The following MED13 variants were observed in gnomAD, a reference collection of about 807,000 sequenced individuals.
The protein encoded by MED13 is mediator complex subunit 13, also known as mediator of RNA polymerase II transcription subunit 13.
A neutral mutation model predicts 225.2 loss-of-function variants in MED13; 23 were observed. The ratio of observed to expected loss-of-function variants is 0.10; its 90% confidence interval spans 0.07 to 0.14. MED13 has a LOEUF of 0.14. Among genes scored for constraint, MED13 ranks in the 10% least tolerant of loss-of-function variants. The probability of loss-of-function intolerance (pLI) is 1.00; values close to 1 mark genes in which losing one functional copy is unlikely to be tolerated. For synonymous variants in MED13, 942 were observed against 889.2 expected, an observed-to-expected ratio of 1.06 and a Z score of -1.06; for missense variants, 2,197 against 2,594.5, an observed-to-expected ratio of 0.85 and a Z score of 3.33.
chr17:62,005,693 G>A (rs1051169789), intron 9 of MED13: 2 of 152,198 alleles, frequency 1.3e-5, no homozygotes, highest in African/African-American at 4.8e-5. Context: ...GGACTTATCT[G>A]CTAAAATGAC....
chr17:61,980,206 C>A (rs2080192191), intron 16 of MED13, among the ~76,000 whole-genome samples: 1 of 151,108 alleles, frequency 6.6e-6, no homozygotes, highest in African/African-American at 2.4e-5. Flanking sequence ...AACAAACAAA[C>A]AAAAATTCCC....
Position 62,010,684 on chromosome 17 carries a change from G to T in MED13, c.1833C>A (p.Ala611=). The T allele has an allele frequency of 6.4e-7, 1 of 1,550,956 alleles. No individual in the cohort carries two copies. Among genetic ancestry groups the T allele is most frequent in the East Asian group, 2.3e-5 (1 of 44,014 alleles). The change falls in exon 9 of 30, where the codon GCC becomes GCA. Residue 611 remains alanine (A), a synonymous_variant. Coordinates refer to ENST00000397786, the MANE Select transcript of MED13 (RefSeq NM_005121.3). Reference sequence around the variant, plus strand: ...ACTTGTAATACTTCCAGGCTATATTGGCTTCATCTTCTTCCAAGTTTACTG... The same window carrying T: ...ACTTGTAATACTTCCAGGCTATATTTGCTTCATCTTCTTCCAAGTTTACTG... ...GTAVNLEEDE[A]NIAWKYYKFP...
At chr17:62,005,341 C>T (rs2143561851) in intron 9 of MED13, 1 of 152,282 alleles carries the variant, frequency 6.6e-6, no homozygotes, top group Non-Finnish European at 1.5e-5. Flanking sequence ...CAGAGTGGCT[C>T]GTGTCTGTAA....
intron 9 of MED13, among the ~76,000 whole-genome samples, chr17:62,000,485 T>A (rs867595358): frequency 4.6e-5 from 7 of 152,326 alleles, no homozygotes; most frequent in Middle Eastern, 6.8e-3. Context: ...TAAAGTCATG[T>A]AGTACAAAAA....
intron 3 of MED13, among the ~76,000 whole-genome samples, chr17:62,040,524 T>C (rs2080844351): frequency 6.6e-6 from 1 of 152,218 alleles, no homozygotes; most frequent in African/African-American, 2.4e-5. Context: ...TCCATATGTA[T>C]GCTAGATTAG....
At chr17:61,976,172 A>C (rs2080154416) in intron 16 of MED13, among the ~76,000 whole-genome samples, 1 of 152,260 alleles carries the variant, frequency 6.6e-6, no homozygotes, top group Non-Finnish European at 1.5e-5. Context: ...AATATCCATC[A>C]ACTAATGAAT....
chr17:61,967,927 C>A, intron 18 of MED13, 108 bp downstream of exon 18: 1 of 809,500 alleles, frequency 1.2e-6, no homozygotes, highest in South Asian at 1.7e-5. Flanking sequence ...AACATCTAAT[C>A]TGACATCATC....
rs2079936326 is a variant in MED13, at chr17:61,955,627, A to G, written c.5782+53T>C. The G allele has an allele frequency of 2.6e-6, 4 of 1,559,108 alleles. No individual in the cohort carries two copies. In the South Asian group the frequency reaches 4.9e-5, roughly 19 times the overall value. ...GAAGAATAAATTGTATATAATACTT[A>G]AAAACTTAACTGCATAAAGAATTAA... On this transcript the variant is annotated intron_variant, in intron 25 of 29. Coordinates refer to ENST00000397786, the MANE Select transcript of MED13 (RefSeq NM_005121.3).
chr17:61,948,748 C>T (rs555586740), intron 28 of MED13, among the ~76,000 whole-genome samples: 1 of 151,026 alleles, frequency 6.6e-6, no homozygotes, highest in Admixed American at 6.6e-5. Context: ...ATTAGCATGA[C>T]TTGTGGATTA....
intron 6 of MED13, chr17:62,030,455 T>G (rs1471436551): frequency 6.5e-6 from 1 of 152,984 alleles, no homozygotes; most frequent in African/African-American, 2.4e-5. Flanking sequence ...GCCATGGAGC[T>G]GCTGCACAGA....
chr17:61,951,089 A>ATTATC lies in MED13; in HGVS notation c.6118-96_6118-92dup, dbSNP rs1277348953. 7 of 978,216 alleles carry ATTATC rather than the reference A, an allele frequency of 7.2e-6. No individual in the cohort carries two copies. The Admixed American group carries it at 1.6e-4, about 23-fold the overall frequency. The allele number at this position is 978,216 out of a possible 1,614,324, so 60.6% of individuals were successfully genotyped here. On this transcript the variant is annotated intron_variant, in intron 27 of 29. Transcript: ENST00000397786. ...AGAATGGCTCATAGCAATCAGTCTCATTATCTTATGACATCGATTTAATAA... is the reference window on the plus strand; with the variant it reads ...AGAATGGCTCATAGCAATCAGTCTCATTATCTTATCTTATGACATCGATTTAATAA...
At chr17:61,985,988 T>C (rs1314836324) in intron 12 of MED13, among the ~76,000 whole-genome samples, 1 of 152,204 alleles carries the variant, frequency 6.6e-6, no homozygotes, top group African/African-American at 2.4e-5. Flanking sequence ...CTCCAAGCTC[T>C]TACCAGTGTT....
At chr17:62,058,782 G>A (rs2081015679) in intron 2 of MED13, among the ~76,000 whole-genome samples, 1 of 152,164 alleles carries the variant, frequency 6.6e-6, no homozygotes, top group Non-Finnish European at 1.5e-5. Flanking sequence ...AAATCATCCA[G>A]CCTTTGCAAA....
At chr17:62,010,320 T>C (rs2080494522) in intron 9 of MED13, 3 of 369,450 alleles carry the variant, frequency 8.1e-6, no homozygotes, top group Non-Finnish European at 1.4e-5. Flanking sequence ...TTAAGTTGGC[T>C]GATGTACAAG....
chr17:61,975,423 T>C (rs2080146035), intron 16 of MED13, among the ~76,000 whole-genome samples: 1 of 152,164 alleles, frequency 6.6e-6, no homozygotes, highest in Non-Finnish European at 1.5e-5. Flanking sequence ...ACACAAAGTA[T>C]CACAATGAGA....
intron 9 of MED13, among the ~76,000 whole-genome samples, chr17:61,999,095 C>A (rs1271493457): frequency 6.6e-6 from 1 of 152,090 alleles, no homozygotes; most frequent in Non-Finnish European, 1.5e-5. Flanking sequence ...AAGTTTATTT[C>A]ATCACAGACT....
At chr17:62,063,353 A>T (rs758230863) in intron 1 of MED13, 52 bp from the exon 2 acceptor site, 2 of 1,176,708 alleles carry the variant, frequency 1.7e-6, no homozygotes, top group East Asian at 2.3e-5. Flanking sequence ...CTCAAAGTCA[A>T]AAGTACTCAA....
At chr17:62,007,953 A>C (rs1238146673) in intron 9 of MED13, among the ~76,000 whole-genome samples, 1 of 146,722 alleles carries the variant, frequency 6.8e-6, no homozygotes, top group African/African-American at 2.5e-5. Context: ...CGGAAGGCAG[A>C]GCTTCCAGTG....
chr17:62,065,035 G>C (rs896454763), intron 1 of MED13, 105 bp downstream of exon 1: 3 of 1,046,652 alleles, frequency 2.9e-6, no homozygotes, highest in Non-Finnish European at 3.9e-6. Flanking sequence ...GCTGGGCCTC[G>C]CCCGGGAACT....
Sources: gnomAD v4.1 joint callset for allele counts (sites outside exome capture counted in the v4.1 genomes callset) on GRCh38, gnomAD v4.1.1 for gene constraint, MANE v1.5 for transcripts, NCBI Gene and HGNC (gene_info 2026-07-23, HGNC 2026-07-21) for gene names.